The following UNC5C variants were observed in gnomAD, a reference collection of about 807,000 sequenced individuals.
UNC5C encodes the protein unc-5 netrin receptor C.
A neutral mutation model predicts 99.8 loss-of-function variants in UNC5C; 47 were observed. That is an observed-to-expected ratio of 0.47 (90% CI 0.37 to 0.60). UNC5C has a LOEUF of 0.60. Among genes scored for constraint, UNC5C ranks in the 20% least tolerant of loss-of-function variants. The pLI is 0.00. For synonymous variants in UNC5C, 487 were observed against 452.2 expected, an observed-to-expected ratio of 1.08 and a Z score of -0.98; for missense variants, 1,062 against 1,165.9, an observed-to-expected ratio of 0.91 and a Z score of 1.30.
At chr4:95,364,472 C>T (rs1215870126) in intron 1 of UNC5C, among the ~76,000 whole-genome samples, 1 of 152,088 alleles carries the variant, frequency 6.6e-6, no homozygotes, top group Non-Finnish European at 1.5e-5. Context: ...ATATTTTATC[C>T]TATTGACACT....
chr4:95,207,472 T>C (rs1737922938), intron 10 of UNC5C, among the ~76,000 whole-genome samples: 1 of 152,190 alleles, frequency 6.6e-6, no homozygotes, highest in African/African-American at 2.4e-5. Flanking sequence ...TTGCCTTTAA[T>C]CTTTTCCCTA....
intron 1 of UNC5C, among the ~76,000 whole-genome samples, chr4:95,411,341 C>T (rs1745985472): frequency 6.6e-6 from 1 of 152,144 alleles, no homozygotes; most frequent in Non-Finnish European, 1.5e-5. Flanking sequence ...CTCAGCCTAT[C>T]TGATTAGGGG....
intron 2 of UNC5C, among the ~76,000 whole-genome samples, chr4:95,308,349 A>G (rs947850957): frequency 6.6e-5 from 10 of 152,220 alleles, no homozygotes; most frequent in Non-Finnish European, 7.3e-5. Context: ...AATCCCATGT[A>G]TAATAGCTAT....
chr4:95,375,383 A>C (rs779518628), intron 1 of UNC5C, among the ~76,000 whole-genome samples: 1 of 152,170 alleles, frequency 6.6e-6, no homozygotes, highest in African/African-American at 2.4e-5. Flanking sequence ...CAAACAGGGT[A>C]AAAAAATGAC....
intron 10 of UNC5C, among the ~76,000 whole-genome samples, chr4:95,210,585 A>G (rs1197841295): frequency 1.3e-5 from 2 of 152,238 alleles, no homozygotes; most frequent in East Asian, 1.9e-4. Flanking sequence ...AGCAGTCTGT[A>G]AATATTAATT....
chr4:95,229,067 G>A (rs1424344093), intron 7 of UNC5C, among the ~76,000 whole-genome samples: 5 of 152,072 alleles, frequency 3.3e-5, no homozygotes, highest in Admixed American at 2.6e-4. Context: ...CAAAAATGAT[G>A]CCATGTGGAA....
intron 1 of UNC5C, among the ~76,000 whole-genome samples, chr4:95,452,120 A>G (rs1256955928): frequency 6.6e-6 from 1 of 152,208 alleles, no homozygotes; most frequent in African/African-American, 2.4e-5. Flanking sequence ...CAATGCTGAT[A>G]CATTTTGCTT....
intron 1 of UNC5C, among the ~76,000 whole-genome samples, chr4:95,354,480 T>TA (rs760696053): frequency 0.27 from 28,570 of 104,110 alleles, 4,282 homozygotes; most frequent in African/African-American, 0.43. Flanking sequence ...TATATATATA[T>TA]TTTTTTTTTT....
chr4:95,205,721 A>G lies in UNC5C; in HGVS notation c.1902+907T>C, dbSNP rs1436819671. On this transcript the variant is annotated intron_variant, in intron 11 of 15. Coordinates refer to ENST00000453304, the MANE Select transcript of UNC5C (RefSeq NM_003728.4). Reference sequence around the variant, plus strand: ...TTATTGAGTATTTTTGGATAAACATATTACTGAAATATAGGTGCTAAGTGG... The same window carrying G: ...TTATTGAGTATTTTTGGATAAACATGTTACTGAAATATAGGTGCTAAGTGG... 3.9e-5 allele frequency among the ~76,000 whole-genome samples: 6 copies of G among 152,262 alleles called. No homozygotes were observed. The South Asian group carries it at 1.0e-3, about 26-fold the overall frequency.
At chr4:95,279,990 C>G (rs1238007501) in intron 3 of UNC5C, among the ~76,000 whole-genome samples, 3 of 152,068 alleles carry the variant, frequency 2.0e-5, no homozygotes, top group Non-Finnish European at 4.4e-5. Context: ...GGTTCATGCT[C>G]CCGTGAGAAT....
rs1735923150 is a variant in UNC5C, at chr4:95,167,993, A to C, written c.*1241T>G. 6.6e-6 allele frequency: 1 copy of C among 152,238 alleles called. No individual in the cohort carries two copies. Among genetic ancestry groups the C allele is most frequent in the South Asian group, 2.1e-4 (1 of 4,834 alleles). The allele number at this position is 152,238 out of a possible 1,614,324, so 9.4% of individuals were successfully genotyped here. On this transcript the variant is annotated 3_prime_UTR_variant, in exon 16 of 16. Transcript: ENST00000453304. The stretch of plus-strand genomic sequence containing the variant: ...AATGACTTTCTCAAGGTGGCGCAAC[A>C]AGACAGTGACAGACCCACAATGAGA...
At chr4:95,245,725 T>C (rs1739479885) in intron 5 of UNC5C, among the ~76,000 whole-genome samples, 1 of 152,220 alleles carries the variant, frequency 6.6e-6, no homozygotes, top group Non-Finnish European at 1.5e-5. Context: ...TTAGTTGATA[T>C]TGAAATAAAC....
intron 7 of UNC5C, among the ~76,000 whole-genome samples, chr4:95,238,032 G>A (rs563473683): frequency 3.7e-4 from 53 of 142,594 alleles, no homozygotes; most frequent in East Asian, 2.3e-3. Flanking sequence ...GCAAGACTCC[G>A]TCTCTAAATA....
intron 2 of UNC5C, among the ~76,000 whole-genome samples, chr4:95,324,685 G>T (rs560343192): frequency 6.6e-6 from 1 of 152,264 alleles, no homozygotes; most frequent in Admixed American, 6.5e-5. Context: ...AGGTGACTAG[G>T]CCATGGGGGC....
intron 2 of UNC5C, among the ~76,000 whole-genome samples, chr4:95,324,017 C>T (rs1480282555): frequency 2.0e-5 from 3 of 152,020 alleles, no homozygotes; most frequent in African/African-American, 7.2e-5. Flanking sequence ...GCCTGGGCAA[C>T]AGAGTGAGAC....
At chr4:95,181,629 G>T (rs1210386401) in intron 14 of UNC5C, among the ~76,000 whole-genome samples, 1 of 152,104 alleles carries the variant, frequency 6.6e-6, no homozygotes, top group Admixed American at 6.5e-5. Context: ...GCATCCGAAG[G>T]CCTGGCGGTT....
intron 12 of UNC5C, among the ~76,000 whole-genome samples, chr4:95,200,366 T>C (rs1737607953): frequency 6.6e-6 from 1 of 152,232 alleles, no homozygotes; most frequent in African/African-American, 2.4e-5. Context: ...GGGCTTTCCC[T>C]GGTCCCCAGG....
intron 12 of UNC5C, among the ~76,000 whole-genome samples, chr4:95,192,879 A>G (rs985729977): frequency 1.3e-5 from 2 of 152,136 alleles, no homozygotes; most frequent in African/African-American, 4.8e-5. Context: ...TGTGGATTAT[A>G]TGATCCATAG....
At chr4:95,548,292 C>T (rs1413440026) in intron 1 of UNC5C, among the ~76,000 whole-genome samples, 1 of 152,132 alleles carries the variant, frequency 6.6e-6, no homozygotes, top group Non-Finnish European at 1.5e-5. Flanking sequence ...CCTGCTACCC[C>T]AGTCTTGGCA....
Sources: allele counts gnomAD v4.1 joint callset (sites outside exome capture counted in the v4.1 genomes callset), GRCh38; gene constraint gnomAD v4.1.1; transcripts MANE v1.5; gene names NCBI Gene and HGNC (gene_info 2026-07-23, HGNC 2026-07-21).